Variants in DHX32 observed in about 807,000 individuals in gnomAD.
DHX32 encodes the protein putative pre-mRNA-splicing factor ATP-dependent RNA helicase DHX32.
In DHX32, 51 loss-of-function variants were observed where a neutral mutation model predicts 70.0. The ratio of observed to expected loss-of-function variants is 0.73; its 90% CI spans 0.58 to 0.92. The LOEUF is 0.92. Ranked by LOEUF, DHX32 falls within the 40% of genes least tolerant of loss-of-function variation. The pLI, the probability that DHX32 is intolerant of heterozygous loss-of-function variation, is 0.00. For synonymous variants in DHX32, 310 were observed against 315.3 expected (o/e 0.98, Z 0.18); for missense variants, 762 against 891.8 (o/e 0.85, Z 1.85).
intron 6 of DHX32, among the ~76,000 whole-genome samples, chr10:125,844,448 G>A (rs974144640): frequency 6.6e-6 from 1 of 152,188 alleles, no homozygotes; most frequent in Non-Finnish European, 1.5e-5. Flanking sequence ...CGCACACAGG[G>A]TTAGTAACAT....
chr10:125,863,670 C>T (rs758688111), intron 2 of DHX32, among the ~76,000 whole-genome samples: 7 of 152,010 alleles, frequency 4.6e-5, no homozygotes, highest in African/African-American at 7.2e-5. Context: ...AGGATGGTCC[C>T]GATCTCCTGA....
chr10:125,861,425 A>C (rs959944458), intron 2 of DHX32, among the ~76,000 whole-genome samples: 6 of 152,098 alleles, frequency 3.9e-5, no homozygotes, highest in African/African-American at 1.4e-4. Flanking sequence ...TGAACTGGAG[A>C]GGCGGAGCTT....
chr10:125,887,152 A>G (rs1251402836), intron 1 of DHX32, among the ~76,000 whole-genome samples: 1 of 152,182 alleles, frequency 6.6e-6, no homozygotes, highest in Non-Finnish European at 1.5e-5. Flanking sequence ...ATAATCTAAT[A>G]GGTCTTCTGT....
intron 6 of DHX32, among the ~76,000 whole-genome samples, chr10:125,848,606 C>T (rs75887663): frequency 0.016 from 2,489 of 152,292 alleles, 33 homozygotes; most frequent in South Asian, 0.033. Flanking sequence ...TTGCTGTTAT[C>T]TGCCATGGCT....
Position 125,841,762 on chromosome 10 carries a change from T to C in DHX32, c.1524A>G (p.Thr508=), listed in dbSNP as rs749871159. 6.2e-7 allele frequency: 1 copy of C among 1,610,420 alleles called. No individual in the cohort carries two copies. The highest frequency in any genetic ancestry group is 8.5e-7 in the Non-Finnish European group (1 of 1,179,222). Residue 508 remains threonine, a synonymous_variant, in exon 7 of 11, where the codon ACA becomes ACG. Coordinates refer to ENST00000284690, the MANE Select transcript of DHX32 (RefSeq NM_018180.3). ...GGATACCTGTTACCATGGCTGCGAT[T>C]GTTAGCACTTCATCTACACAGTCAA... The part of the protein sequence containing the change: ...CEFDCVDEVL[T]IAAMVTAPNC...
In DHX32 at chr10:125,857,922, CAG is replaced by C. The variant is rs1478015024; in HGVS notation, c.849+1679_849+1680del. On this transcript the variant is annotated intron_variant, in intron 3 of 10. Transcript: ENST00000284690. ...TTCATTTTTTTTTTTTTTCTAGAGA[CAG>C]GGTCTTGCTCTGTCACCCAGGCTGG... Among the ~76,000 whole-genome samples the C allele has an allele frequency of 2.1e-5, 3 of 140,380 alleles. No homozygotes were observed. In the East Asian group the frequency reaches 6.4e-4, roughly 30 times the overall value. The allele number at this position is 140,380 out of a possible 152,430, so 92.1% of individuals were successfully genotyped here. A position where few individuals can be genotyped will look rare whatever the true frequency, so the allele number is the denominator to read the frequency against.
In DHX32 at chr10:125,856,987, T is replaced by C. The variant is rs562755739; in HGVS notation, c.849+2616A>G. Among the ~76,000 whole-genome samples the C allele has an allele frequency of 2.1e-4, 32 of 152,314 alleles. No individual in the cohort carries two copies. In the South Asian group the frequency reaches 6.2e-3, roughly 30 times the overall value. ...ATAAATACAAATTTTAAATGACAAT[T>C]AATACATTTGTATTAGACTGGTTGA... is the stretch of plus-strand genomic sequence containing the variant. On this transcript the variant is annotated intron_variant, in intron 3 of 10. Coordinates refer to ENST00000284690, the MANE Select transcript of DHX32 (RefSeq NM_018180.3).
In DHX32 at chr10:125,862,879, A is replaced by T. The variant is rs1461211311; in HGVS notation, c.477-2904T>A. ...TCAAAACAAAGCAAAAAAAAAAACT[A>T]CTTTTTTTCTATATAACACAAAGAT... On this transcript the variant is annotated intron_variant, in intron 2 of 10. Coordinates refer to ENST00000284690, the MANE Select transcript of DHX32 (RefSeq NM_018180.3). 2.0e-5 allele frequency among the ~76,000 whole-genome samples: 3 copies of T among 151,876 alleles called. No homozygotes were observed. The East Asian group carries it at 5.8e-4, about 29-fold the overall frequency.
At chr10:125,838,639 T>C (rs1414098400) in intron 9 of DHX32, among the ~76,000 whole-genome samples, 2 of 152,202 alleles carry the variant, frequency 1.3e-5, no homozygotes, top group Non-Finnish European at 2.9e-5. Flanking sequence ...GTGAGGTTAA[T>C]GTTTTGGCCA....
At chr10:125,868,235 T>A (rs1380094033) in intron 1 of DHX32, among the ~76,000 whole-genome samples, 1 of 152,232 alleles carries the variant, frequency 6.6e-6, no homozygotes, top group Non-Finnish European at 1.5e-5. Flanking sequence ...AGAATTATTA[T>A]AGTAGAATGT....
chr10:125,870,229 C>T (rs578145831), intron 1 of DHX32, among the ~76,000 whole-genome samples: 10 of 152,102 alleles, frequency 6.6e-5, no homozygotes, highest in South Asian at 2.1e-4. Flanking sequence ...CTGGGATCAA[C>T]GGAAAAGCAA....
At chr10:125,892,733 A>G (rs1434395882) in intron 1 of DHX32, among the ~76,000 whole-genome samples, 1 of 152,294 alleles carries the variant, frequency 6.6e-6, no homozygotes, top group Admixed American at 6.5e-5. Context: ...AGCCCTTTAT[A>G]TTAAAAAAGT....
chr10:125,895,544 C>A (rs563021350), intron 1 of DHX32, among the ~76,000 whole-genome samples: 2 of 152,318 alleles, frequency 1.3e-5, no homozygotes, highest in East Asian at 3.9e-4. Flanking sequence ...TACAACCTAC[C>A]AGATAATAAT....
chr10:125,870,512 T>C (rs1944249517), intron 1 of DHX32, among the ~76,000 whole-genome samples: 1 of 152,140 alleles, frequency 6.6e-6, no homozygotes, highest in African/African-American at 2.4e-5. Context: ...ACTGAAGCCA[T>C]GAAATTCTCA....
chr10:125,863,450 A>AT (rs1175786533), intron 2 of DHX32, among the ~76,000 whole-genome samples: 1,521 of 143,758 alleles, frequency 0.011, 24 homozygotes, highest in African/African-American at 0.03. Context: ...TCAATGATCA[A>AT]TTTTTTTTTT....
chr10:125,886,977 G>T (rs557086728), intron 1 of DHX32, among the ~76,000 whole-genome samples: 1 of 152,408 alleles, frequency 6.6e-6, no homozygotes, highest in South Asian at 2.1e-4. Flanking sequence ...TGTTATTGGA[G>T]CTACACCTTC....
At chr10:125,888,763 T>C in intron 1 of DHX32, among the ~76,000 whole-genome samples, 1 of 152,284 alleles carries the variant, frequency 6.6e-6, no homozygotes, top group Admixed American at 6.5e-5. Flanking sequence ...AAGTAAAAGG[T>C]ATTAATTCTG....
At chr10:125,860,973 CG>C (rs1944184345) in intron 2 of DHX32, among the ~76,000 whole-genome samples, 1 of 151,518 alleles carries the variant, frequency 6.6e-6, no homozygotes, top group African/African-American at 2.4e-5. Flanking sequence ...AGGATGGTCT[CG>C]ATCTCCTGAC....
At chr10:125,890,669 G>T (rs4360612) in intron 1 of DHX32, 1,977 of 128,948 alleles carry the variant, frequency 0.015, no homozygotes, top group Non-Finnish European at 0.019. Context: ...CCAAAAGGCC[G>T]AGAAGTGATG....
Sources: allele counts gnomAD v4.1 joint callset (sites outside exome capture counted in the v4.1 genomes callset), GRCh38; gene constraint gnomAD v4.1.1; transcripts MANE v1.5; gene names NCBI Gene and HGNC (gene_info 2026-07-23, HGNC 2026-07-21).